SYCP2L: variants seen among roughly 807,000 people sequenced by gnomAD.
SYCP2L encodes synaptonemal complex protein 2-like.
In SYCP2L, 98 loss-of-function variants were observed where a neutral mutation model predicts 125.8. That is an observed-to-expected ratio of 0.78 (90% CI 0.66 to 0.92). The LOEUF (loss-of-function observed/expected upper bound fraction) is 0.92. Among genes scored for constraint, SYCP2L ranks in the 40% least tolerant of loss-of-function variants. The pLI is 0.00. For missense variants in SYCP2L, 842 were observed against 936.4 expected (o/e 0.90, Z 1.32); for synonymous variants, 317 against 325.4 (o/e 0.97, Z 0.28).
chr6:10,909,651 A>G (rs1210230300), intron 10 of SYCP2L, among the ~76,000 whole-genome samples: 24 of 152,204 alleles, frequency 1.6e-4, no homozygotes, highest in South Asian at 4.1e-4. Flanking sequence ...TGTTCTTAGA[A>G]CATATGCTAG....
intron 21 of SYCP2L, among the ~76,000 whole-genome samples, chr6:10,937,005 C>G (rs1395088121): frequency 6.6e-6 from 1 of 152,186 alleles, no homozygotes; most frequent in African/African-American, 2.4e-5. Flanking sequence ...TCTTTAATTA[C>G]CCCACCTTCA....
intron 8 of SYCP2L, among the ~76,000 whole-genome samples, chr6:10,904,975 C>G (rs1487435718): frequency 6.6e-6 from 1 of 151,562 alleles, no homozygotes; most frequent in Non-Finnish European, 1.5e-5. Flanking sequence ...AGCCCCGTCT[C>G]TCTTAAAAAT....
intron 19 of SYCP2L, 81 bp downstream of exon 19, chr6:10,930,595 G>T: frequency 6.8e-7 from 1 of 1,461,478 alleles, no homozygotes; most frequent in Non-Finnish European, 9.2e-7. Context: ...GTATATAATG[G>T]GAGTGGGTCC....
chr6:10,968,185 T>C (rs767598767), intron 29 of SYCP2L, among the ~76,000 whole-genome samples: 15 of 152,118 alleles, frequency 9.9e-5, no homozygotes, highest in Non-Finnish European at 1.9e-4. Context: ...ATGTGGGATG[T>C]TGAGAATCAA....
At chr6:10,892,805 A>C (rs1780194857) in intron 2 of SYCP2L, among the ~76,000 whole-genome samples, 1 of 152,214 alleles carries the variant, frequency 6.6e-6, no homozygotes, top group Admixed American at 6.5e-5. Flanking sequence ...TAAAAAAGAA[A>C]ACATTCTGTT....
intron 29 of SYCP2L, among the ~76,000 whole-genome samples, chr6:10,964,916 C>T (rs868574538): frequency 6.6e-6 from 1 of 152,078 alleles, no homozygotes; most frequent in Non-Finnish European, 1.5e-5. Flanking sequence ...GTATGGTCAT[C>T]TTTGAGAAAC....
intron 23 of SYCP2L, among the ~76,000 whole-genome samples, chr6:10,952,597 A>AG (rs1781430507): frequency 6.6e-6 from 1 of 150,474 alleles, no homozygotes. Context: ...AAAAAAAAAA[A>AG]GTTCCAGAAG....
At chr6:10,891,652 T>TATATGA in intron 2 of SYCP2L, 71 bp downstream of exon 2, 9 of 889,492 alleles carry the variant, frequency 1.0e-5, no homozygotes, top group South Asian at 4.9e-5. Context: ...TGTGTGTGTG[T>TATATGA]GTGTGTGTGT....
chr6:10,964,788 A>T lies in SYCP2L; in HGVS notation c.*37+945A>T, dbSNP rs7774711. On this transcript the variant is annotated intron_variant, in intron 29 of 29. Coordinates refer to ENST00000283141, the MANE Select transcript of SYCP2L (RefSeq NM_001040274.3). ...TATCAACAAGGTGCTTTGGCAGAGA[A>T]CAGTGGTATGAAGTGTCAGCTTAAG... Among the ~76,000 whole-genome samples, 119 of 151,986 alleles carry T rather than the reference A, an allele frequency of 7.8e-4. No homozygotes were observed. In the South Asian group the frequency reaches 0.016, roughly 21 times the overall value.
chr6:10,887,792 A>G (rs1450356673), intron 1 of SYCP2L, among the ~76,000 whole-genome samples: 1 of 152,238 alleles, frequency 6.6e-6, no homozygotes, highest in Admixed American at 6.5e-5. Flanking sequence ...GCCTAGATCC[A>G]GGAACTCACT....
Position 10,903,506 on chromosome 6 carries a change from C to G in SYCP2L, c.641+543C>G, listed in dbSNP as rs185442824. ...GAGCTTGCAGTGAGCCGAGATCGCG[C>G]CACTGTGCTCCAGCCTGAGGGTGAC... On this transcript the variant is annotated intron_variant, in intron 8 of 29. Coordinates refer to ENST00000283141, the MANE Select transcript of SYCP2L (RefSeq NM_001040274.3). Among the ~76,000 whole-genome samples the G allele has an allele frequency of 2.1e-3, 317 of 152,214 alleles. 1 individual carries two copies. Among genetic ancestry groups the G allele is most frequent in the African/African-American group, 7.4e-3 (307 of 41,536 alleles).
At chr6:10,915,373 G>A (rs1023236852) in intron 14 of SYCP2L, among the ~76,000 whole-genome samples, 1 of 152,176 alleles carries the variant, frequency 6.6e-6, no homozygotes, top group Non-Finnish European at 1.5e-5. Flanking sequence ...GAGGAGTGGT[G>A]AGAGTGGGCA....
At chr6:10,907,705 A>T (rs1416588428) in intron 10 of SYCP2L, 21 bp downstream of exon 10, 2 of 1,609,348 alleles carry the variant, frequency 1.2e-6, no homozygotes, top group East Asian at 2.2e-5. Context: ...TGGCCATGCG[A>T]ATTTCTTATT....
chr6:10,972,313 C>G (rs1332317234), intron 29 of SYCP2L, among the ~76,000 whole-genome samples: 1 of 152,136 alleles, frequency 6.6e-6, no homozygotes, highest in Non-Finnish European at 1.5e-5. Context: ...AAAGACTAAT[C>G]TGGGCTAAGA....
At chr6:10,897,403 C>CT (rs1238414762) in intron 4 of SYCP2L, among the ~76,000 whole-genome samples, 1 of 131,820 alleles carries the variant, frequency 7.6e-6, no homozygotes, top group African/African-American at 2.8e-5. Flanking sequence ...GGGAGGCTCA[C>CT]TTATCTCTTT....
In SYCP2L at chr6:10,927,237, TAGAGCAGGC is replaced by T; in HGVS notation, c.1314_1322del (p.Gln439_Glu441del). 1 of 1,614,048 alleles carries T rather than the reference TAGAGCAGGC, an allele frequency of 6.2e-7. No homozygotes were observed. Among genetic ancestry groups the T allele is most frequent in the Non-Finnish European group, 8.5e-7 (1 of 1,179,970 alleles). On this transcript the variant is annotated splice_acceptor_variant and coding_sequence_variant, in exon 17 of 30. Coordinates refer to ENST00000283141, the MANE Select transcript of SYCP2L (RefSeq NM_001040274.3). LOFTEE classifies it high-confidence loss of function. ...ATATTAGTCTTTTTCTTAATTTGTA[TAGAGCAGGC>T]AGAAGAATCCACTAACATGGTGGAG...
chr6:10,906,834 G>T (rs542617186), intron 9 of SYCP2L, among the ~76,000 whole-genome samples: 1 of 151,576 alleles, frequency 6.6e-6, no homozygotes, highest in South Asian at 2.1e-4. Context: ...CCTGACCTCC[G>T]GTGATCCTCC....
chr6:10,914,849 C>A (rs536634231), intron 14 of SYCP2L, among the ~76,000 whole-genome samples: 160 of 149,564 alleles, frequency 1.1e-3, no homozygotes, highest in Non-Finnish European at 1.6e-3. Flanking sequence ...TGGGTTCAAG[C>A]GATTCTCCTG....
intron 23 of SYCP2L, among the ~76,000 whole-genome samples, chr6:10,951,070 C>T (rs555898282): frequency 3.6e-4 from 55 of 152,086 alleles, no homozygotes; most frequent in Admixed American, 2.0e-3. Context: ...GCTCAGTGCC[C>T]GGCATATAGA....
Sources: gnomAD v4.1 joint callset for allele counts (sites outside exome capture counted in the v4.1 genomes callset) on GRCh38, gnomAD v4.1.1 for gene constraint, MANE v1.5 for transcripts, NCBI Gene and HGNC (gene_info 2026-07-23, HGNC 2026-07-21) for gene names.